Variants in EXOC1L observed in about 807,000 individuals in gnomAD.
EXOC1L encodes exocyst complex component 1-like.
In EXOC1L, 10 loss-of-function variants were observed where a neutral mutation model predicts 4.9. The observed-to-expected ratio is 2.02, with a 90% confidence interval of 1.25 to 3.43. The LOEUF is 3.43. Ranked by LOEUF, EXOC1L falls within the 30% of genes most tolerant of loss-of-function variation. The probability of loss-of-function intolerance (pLI) is 0.00; values close to 1 mark genes in which losing one functional copy is unlikely to be tolerated. For synonymous variants in EXOC1L, 41 were observed against 20.8 expected, an observed-to-expected ratio of 1.97 and a Z score of -2.63; for missense variants, 114 against 59.4, an observed-to-expected ratio of 1.92 and a Z score of -3.02.
chr4:55,830,671 T>A (rs1720007020), intron 1 of EXOC1L, among the ~76,000 whole-genome samples: 1 of 150,852 alleles, frequency 6.6e-6, no homozygotes, highest in African/African-American at 2.5e-5. Context: ...AATTTTCCCA[T>A]ATCTTTCAAA....
intron 1 of EXOC1L, among the ~76,000 whole-genome samples, chr4:55,829,587 A>G (rs1719970808): frequency 6.6e-6 from 1 of 152,202 alleles, no homozygotes; most frequent in South Asian, 2.1e-4. Context: ...CTCAACGAAC[A>G]GGTGTTGCTA....
intron 1 of EXOC1L, 111 bp downstream of exon 1, chr4:55,820,258 T>C (rs1719705745): frequency 2.6e-6 from 1 of 390,930 alleles, no homozygotes; most frequent in African/African-American, 2.1e-5. Flanking sequence ...CACGTGTACC[T>C]TCTTCTGATA....
intron 1 of EXOC1L, among the ~76,000 whole-genome samples, chr4:55,828,228 A>G (rs191955755): frequency 6.6e-6 from 1 of 152,230 alleles, no homozygotes; most frequent in Non-Finnish European, 1.5e-5. Flanking sequence ...TGTGCACTCA[A>G]ATAGTGTTAG....
intron 1 of EXOC1L, among the ~76,000 whole-genome samples, chr4:55,825,807 A>G (rs1719863450): frequency 6.6e-6 from 1 of 152,142 alleles, no homozygotes; most frequent in East Asian, 1.9e-4. Context: ...TTGGCCAGGC[A>G]TGGTGGCTCA....
intron 1 of EXOC1L, among the ~76,000 whole-genome samples, chr4:55,828,030 T>C (rs1487151245): frequency 1.3e-5 from 2 of 152,172 alleles, no homozygotes; most frequent in Admixed American, 6.5e-5. Flanking sequence ...AACTAGCTCA[T>C]TGACCCCAAG....
intron 2 of EXOC1L, among the ~76,000 whole-genome samples, chr4:55,832,990 T>G (rs1720071074): frequency 6.6e-6 from 1 of 152,020 alleles, no homozygotes; most frequent in Non-Finnish European, 1.5e-5. Flanking sequence ...ATATACTATC[T>G]GCTATTACCT....
chr4:55,822,258 G>A (rs1187555460), intron 1 of EXOC1L, among the ~76,000 whole-genome samples: 1 of 152,178 alleles, frequency 6.6e-6, no homozygotes, highest in Non-Finnish European at 1.5e-5. Flanking sequence ...AAAGGATTAT[G>A]ACTTACTGTT....
intron 1 of EXOC1L, among the ~76,000 whole-genome samples, chr4:55,825,357 G>C (rs890270632): frequency 3.3e-5 from 5 of 152,124 alleles, no homozygotes; most frequent in Non-Finnish European, 5.9e-5. Flanking sequence ...CATTTGCCCG[G>C]CACTATGGTA....
chr4:55,825,675 C>G (rs552201472), intron 1 of EXOC1L, among the ~76,000 whole-genome samples: 2 of 152,254 alleles, frequency 1.3e-5, no homozygotes, highest in East Asian at 3.9e-4. Flanking sequence ...GTAAAAACAT[C>G]AGCAACTCAT....
intron 2 of EXOC1L, among the ~76,000 whole-genome samples, chr4:55,835,485 T>C (rs937472013): frequency 4.6e-5 from 7 of 151,980 alleles, no homozygotes; most frequent in Non-Finnish European, 1.5e-5. Flanking sequence ...AGTGTAAAAG[T>C]GTTCCCTTTT....
intron 1 of EXOC1L, among the ~76,000 whole-genome samples, chr4:55,824,830 G>A (rs1409215992): frequency 6.6e-6 from 1 of 152,104 alleles, no homozygotes; most frequent in Non-Finnish European, 1.5e-5. Context: ...TTTTAGAGTA[G>A]GGATATTATC....
At chr4:55,834,497 G>A (rs1165816161) in intron 2 of EXOC1L, among the ~76,000 whole-genome samples, 7 of 151,918 alleles carry the variant, frequency 4.6e-5, no homozygotes, top group African/African-American at 1.7e-4. Flanking sequence ...TGTATCCTAT[G>A]TGCATGCATA....
chr4:55,823,677 T>A (rs187275197), intron 1 of EXOC1L, among the ~76,000 whole-genome samples: 3 of 151,130 alleles, frequency 2.0e-5, no homozygotes, highest in Admixed American at 2.0e-4. Context: ...GTTGCAGTTT[T>A]ACTCAAGGCT....
chr4:55,837,269 A>G lies in EXOC1L; in HGVS notation c.437A>G (p.Asn146Ser). Residue 146 changes from asparagine (N) to serine (S), a missense_variant, in exon 3 of 3, where the codon AAT becomes AGT. Physicochemically the swap from Asn to Ser is conservative, Grantham distance 46. Coordinates refer to ENST00000636125, the MANE Select transcript of EXOC1L (RefSeq NM_001351574.3). ...INDDSIWSSN[N>S]KDCLVLMRIC... ...GATGATTCCATTTGGTCCTCCAACA[A>G]TAAGGATTGTTTGGTCCTTATGAGA... 1 of 700,332 alleles carries G rather than the reference A, an allele frequency of 1.4e-6. No homozygotes were observed. The highest frequency in any genetic ancestry group is 1.5e-5 in the South Asian group (1 of 67,284). 43.4% of individuals were successfully genotyped at this position (700,332 alleles called of 1,614,324 possible). A position where few individuals can be genotyped will look rare whatever the true frequency, so the allele number is the denominator to read the frequency against.
At chr4:55,828,063 C>G (rs1249340550) in intron 1 of EXOC1L, among the ~76,000 whole-genome samples, 1 of 151,966 alleles carries the variant, frequency 6.6e-6, no homozygotes, top group East Asian at 2.0e-4. Flanking sequence ...GCTTGAGGTC[C>G]TCTCCAGAAG....
rs1423617413 is a variant in EXOC1L, at chr4:55,837,174, A to G, written c.342A>G (p.Val114=). The part of the protein sequence containing the change: ...CASKYAFART[V]NKLNHAYLKK... ...CTAAATATGCCTTTGCTCGAACTGT[A>G]AATAAGCTGAATCATGCATATCTTA... Residue 114 remains valine, a synonymous_variant, in exon 3 of 3, where the codon GTA becomes GTG. Coordinates refer to ENST00000636125, the MANE Select transcript of EXOC1L (RefSeq NM_001351574.3). The G allele has an allele frequency of 1.4e-6, 1 of 702,138 alleles. No individual in the cohort carries two copies. Among genetic ancestry groups the G allele is most frequent in the South Asian group, 1.5e-5 (1 of 67,544 alleles). The allele number at this position is 702,138 out of a possible 1,614,324, so 43.5% of individuals were successfully genotyped here. A position where few individuals can be genotyped will look rare whatever the true frequency, so the allele number is the denominator to read the frequency against.
chr4:55,824,008 G>T (rs1719811670), intron 1 of EXOC1L, among the ~76,000 whole-genome samples: 1 of 151,852 alleles, frequency 6.6e-6, no homozygotes, highest in Non-Finnish European at 1.5e-5. Flanking sequence ...ATAATGAAAA[G>T]AAGAAATATA....
intron 1 of EXOC1L, among the ~76,000 whole-genome samples, chr4:55,828,686 T>TA (rs1055390123): frequency 9.9e-5 from 15 of 151,610 alleles, no homozygotes; most frequent in South Asian, 2.1e-4. Flanking sequence ...ACAAAAAAGA[T>TA]AAAAAAAATT....
rs1045550528 is a variant in EXOC1L at position 55,819,809 on chromosome 4, T to C, written c.-218T>C. The C allele has an allele frequency of 2.7e-5, 9 of 337,298 alleles. No homozygotes were observed. Among genetic ancestry groups the C allele is most frequent in the African/African-American group, 4.2e-5 (2 of 47,216 alleles). 20.9% of individuals were successfully genotyped at this position (337,298 alleles called of 1,614,324 possible). ...GCTGTATTTTGGCTGCCGCCGCCGC[T>C]GCTGCCACTGGGCAGATACCGCAGT... is the stretch of plus-strand genomic sequence containing the variant. On this transcript the variant is annotated 5_prime_UTR_variant, in exon 1 of 3. Coordinates refer to ENST00000636125, the MANE Select transcript of EXOC1L (RefSeq NM_001351574.3).
Sources: allele counts gnomAD v4.1 joint callset (sites outside exome capture counted in the v4.1 genomes callset), GRCh38; gene constraint gnomAD v4.1.1; transcripts MANE v1.5; gene names NCBI Gene and HGNC (gene_info 2026-07-23, HGNC 2026-07-21).